Variants in SBNO1 observed in about 807,000 individuals in gnomAD.
The protein encoded by SBNO1 is protein strawberry notch homolog 1.
Under a neutral mutation model 173.6 loss-of-function variants are expected in SBNO1, and 23 were observed. The ratio of observed to expected loss-of-function variants is 0.13; its 90% CI spans 0.10 to 0.19. The LOEUF is 0.19. SBNO1 is among the 10% of genes least tolerant of loss of function. SBNO1 has a pLI of 1.00. For missense variants in SBNO1, 1,238 were observed against 1,671.2 expected, an observed-to-expected ratio of 0.74 and a Z score of 4.52; for synonymous variants, 632 against 571.5, an observed-to-expected ratio of 1.11 and a Z score of -1.51.
At chr12:123,319,109 A>G (rs1869660581) in intron 20 of SBNO1, among the ~76,000 whole-genome samples, 1 of 151,722 alleles carries the variant, frequency 6.6e-6, no homozygotes, top group East Asian at 2.0e-4. Flanking sequence ...GACTACAGGC[A>G]CATGCCACCA....
chr12:123,299,863 T>G (rs1341676021), intron 30 of SBNO1, among the ~76,000 whole-genome samples: 3 of 151,850 alleles, frequency 2.0e-5, no homozygotes, highest in African/African-American at 7.3e-5. Flanking sequence ...TGAGAGATCC[T>G]GCCATGAAAA....
intron 1 of SBNO1, among the ~76,000 whole-genome samples, chr12:123,350,721 C>CA (rs1196786939): frequency 2.0e-5 from 3 of 152,168 alleles, no homozygotes; most frequent in Non-Finnish European, 4.4e-5. Flanking sequence ...TTTGTGGAAG[C>CA]AGAGATGTTA....
chr12:123,327,279 G>C, intron 13 of SBNO1, 147 bp downstream of exon 13: 1 of 675,036 alleles, frequency 1.5e-6, no homozygotes, highest in Non-Finnish European at 2.5e-6. Context: ...CCAAAGTGCT[G>C]AGGCATGAGA....
chr12:123,363,543 G>T (rs1261481863), intron 1 of SBNO1, among the ~76,000 whole-genome samples: 5 of 152,114 alleles, frequency 3.3e-5, no homozygotes, highest in Admixed American at 3.3e-4. Context: ...AACATAAAAT[G>T]ATAATAGCCA....
chr12:123,330,238 C>CA lies in SBNO1; in HGVS notation c.1134+180dup, dbSNP rs372090652. Among the ~76,000 whole-genome samples the CA allele has an allele frequency of 3.3e-3, 502 of 152,272 alleles. 2 individuals carry two copies. The highest frequency in any genetic ancestry group is 0.012 in the African/African-American group (481 of 41,558). ...CATGTGATGAGTGGCTACTGCCTGT[C>CA]AGTGTTTAGCATATAGGAATCCACA... On this transcript the variant is annotated intron_variant, in intron 9 of 31. Coordinates refer to ENST00000602398, the MANE Select transcript of SBNO1 (RefSeq NM_001167856.3).
chr12:123,330,874 A>G (rs1459396190), intron 8 of SBNO1, among the ~76,000 whole-genome samples: 1 of 152,026 alleles, frequency 6.6e-6, no homozygotes, highest in South Asian at 2.1e-4. Context: ...GCAGTGAGCC[A>G]TGAATATGCC....
At chr12:123,364,471 G>C (rs1394790397) in intron 1 of SBNO1, 2 of 983,964 alleles carry the variant, frequency 2.0e-6, no homozygotes, top group Admixed American at 6.1e-5. Flanking sequence ...AGCGGGGCCC[G>C]GCGCTGACGA....
chr12:123,300,975 AAAAAC>A (rs2048769171), intron 30 of SBNO1, among the ~76,000 whole-genome samples: 1 of 148,890 alleles, frequency 6.7e-6, no homozygotes, highest in Non-Finnish European at 1.5e-5. Flanking sequence ...AAAAACAAAA[AAAAAC>A]AAAAAAAAAA....
chr12:123,320,499 T>C lies in SBNO1; in HGVS notation c.2600A>G (p.Glu867Gly), dbSNP rs1341818995. The C allele has an allele frequency of 1.2e-6, 2 of 1,614,154 alleles. No individual in the cohort carries two copies. Among genetic ancestry groups the C allele is most frequent in the Non-Finnish European group, 1.7e-6 (2 of 1,180,006 alleles). ...DLLDKLEKLA[E>G]DLPPNTLDEL... ...ATCCAGGGTATTAGGGGGGAGGTCT[T>C]CAGCTAATTTTTCTAGCTTATCAAG... Residue 867 changes from glutamate to glycine, a missense_variant, in exon 19 of 32, where the codon GAA (glutamate) becomes GGA (glycine). Physicochemically the swap from Glu to Gly is moderately conservative, Grantham distance 98 (BLOSUM62 -2). Around this residue, in one of 14 missense-constraint regions of SBNO1, gnomAD observed 74 missense variants for 68.5 expected, o/e 1.08. Coordinates refer to ENST00000602398, the MANE Select transcript of SBNO1 (RefSeq NM_001167856.3).
chr12:123,295,567 G>A lies in SBNO1; in HGVS notation c.*341C>T, dbSNP rs926333234. 4.6e-6 allele frequency: 1 copy of A among 216,078 alleles called. No homozygotes were observed. Among genetic ancestry groups the A allele is most frequent in the Non-Finnish European group, 9.4e-6 (1 of 106,928 alleles). The allele number at this position is 216,078 out of a possible 1,614,324, so 13.4% of individuals were successfully genotyped here. ...TAAACATAAAGTAAAGCCAGTTTGG[G>A]AAGTTCCAAGCATTTTAAACCAACT... On this transcript the variant is annotated 3_prime_UTR_variant, in exon 32 of 32. Coordinates refer to ENST00000602398, the MANE Select transcript of SBNO1 (RefSeq NM_001167856.3).
intron 1 of SBNO1, chr12:123,364,178 C>T (rs1875793485): frequency 1.0e-6 from 1 of 985,392 alleles, no homozygotes; most frequent in African/African-American, 1.7e-5. Flanking sequence ...TGTACGAGAC[C>T]GCGCTGTGGG....
Position 123,328,465 on chromosome 12 carries a change from T to TA in SBNO1, c.1296+268dup, listed in dbSNP as rs1430147315. Among the ~76,000 whole-genome samples the TA allele has an allele frequency of 2.0e-5, 3 of 152,344 alleles. No individual in the cohort carries two copies. The East Asian group carries it at 5.8e-4, about 29-fold the overall frequency. On this transcript the variant is annotated intron_variant, in intron 10 of 31. Coordinates refer to ENST00000602398, the MANE Select transcript of SBNO1 (RefSeq NM_001167856.3). ...CTTCTCGGGTATTCTGCTATGTAAA[T>TA]ATGCAATGTTAATCCTCAAAAGGGG...
chr12:123,348,713 T>C (rs1237179125), intron 2 of SBNO1, among the ~76,000 whole-genome samples: 1 of 151,542 alleles, frequency 6.6e-6, no homozygotes, highest in Non-Finnish European at 1.5e-5. Flanking sequence ...TTGCAGTGAG[T>C]GGAGATTGCA....
chr12:123,353,623 A>T (rs1023505812), intron 1 of SBNO1, among the ~76,000 whole-genome samples: 2 of 152,172 alleles, frequency 1.3e-5, no homozygotes, highest in African/African-American at 4.8e-5. Flanking sequence ...AGACCAAGTT[A>T]ACTAATTTTT....
chr12:123,325,413 A>T, intron 15 of SBNO1, 89 bp downstream of exon 15: 1 of 876,306 alleles, frequency 1.1e-6, no homozygotes, highest in South Asian at 1.5e-5. Flanking sequence ...GTGAAACAAA[A>T]GTTTTGTCTC....
At chr12:123,364,020 C>T (rs1195695720) in intron 1 of SBNO1, 4 of 985,412 alleles carry the variant, frequency 4.1e-6, no homozygotes, top group Non-Finnish European at 4.8e-6. Flanking sequence ...AAGCAAATCC[C>T]CAACTGCCGT....
chr12:123,319,217 G>A (rs1369251841), intron 20 of SBNO1, among the ~76,000 whole-genome samples: 6 of 151,866 alleles, frequency 4.0e-5, no homozygotes, highest in African/African-American at 1.2e-4. Flanking sequence ...TGCCCATCTC[G>A]GCCTCCCAAA....
intron 20 of SBNO1, among the ~76,000 whole-genome samples, chr12:123,319,352 AAT>A (rs1452724510): frequency 6.6e-6 from 1 of 152,220 alleles, no homozygotes; most frequent in African/African-American, 2.4e-5. Flanking sequence ...CATTACACAC[AAT>A]ACTTATTATA....
chr12:123,335,588 G>T (rs1871743887), intron 6 of SBNO1, among the ~76,000 whole-genome samples: 1 of 152,228 alleles, frequency 6.6e-6, no homozygotes. Context: ...GTCAGAGAAT[G>T]ATTTTGCCGT....
Sources: allele counts gnomAD v4.1 joint callset (sites outside exome capture counted in the v4.1 genomes callset), GRCh38; gene constraint gnomAD v4.1.1; regional missense constraint gnomAD v4.1.1; transcripts MANE v1.5; gene names NCBI Gene and HGNC (gene_info 2026-07-23, HGNC 2026-07-21).